Variants in HERC1 observed in about 807,000 individuals in gnomAD.
HERC1 encodes probable E3 ubiquitin-protein ligase HERC1.
HERC1 carries 160 observed loss-of-function variants against 554.3 expected under a neutral mutation model. The observed-to-expected ratio is 0.29, with a 90% CI of 0.25 to 0.33. HERC1 has a LOEUF of 0.33. Ranked by LOEUF, HERC1 falls within the 10% of genes least tolerant of loss-of-function variation. The probability of loss-of-function intolerance (pLI) is 1.00; values close to 1 mark genes in which losing one functional copy is unlikely to be tolerated. For missense variants in HERC1, 4,919 were observed against 5,918.5 expected, an observed-to-expected ratio of 0.83 and a Z score of 5.54; for synonymous variants, 2,175 against 2,131.7, an observed-to-expected ratio of 1.02 and a Z score of -0.56.
At chr15:63,695,459 C>T in intron 27 of HERC1, among the ~76,000 whole-genome samples, 1 of 146,126 alleles carries the variant, frequency 6.8e-6, no homozygotes, top group Non-Finnish European at 1.5e-5. Context: ...GATCTTCGCT[C>T]ACTGCAACCT....
rs527913921 is a variant in HERC1 at position 63,622,664 on chromosome 15, CAAT to C, written c.13688+148_13688+150del. ...CTCATCTTTGACAAGAGGATAACAACAATATTTACTCCTTAGGGTTACAATGAG... is the reference window on the plus strand; with the variant it reads ...CTCATCTTTGACAAGAGGATAACAACATTTACTCCTTAGGGTTACAATGAG... On this transcript the variant is annotated intron_variant, in intron 74 of 77. Coordinates refer to ENST00000443617, the MANE Select transcript of HERC1 (RefSeq NM_003922.4). 7.5e-3 allele frequency: 3,934 copies of C among 523,616 alleles called. 21 individuals carry two copies. The highest frequency in any genetic ancestry group is 0.011 in the Non-Finnish European group (3,442 of 308,572). The allele number at this position is 523,616 out of a possible 1,614,324, so 32.4% of individuals were successfully genotyped here. A position where few individuals can be genotyped will look rare whatever the true frequency, so the allele number is the denominator to read the frequency against.
At chr15:63,737,206 G>A (rs1397001135) in intron 12 of HERC1, among the ~76,000 whole-genome samples, 1 of 150,608 alleles carries the variant, frequency 6.6e-6, no homozygotes, top group Non-Finnish European at 1.5e-5. Context: ...AAAGCAGAGG[G>A]GGGAAAAGAT....
chr15:63,674,310 A>C, intron 38 of HERC1, 32 bp downstream of exon 38: 3 of 1,530,280 alleles, frequency 2.0e-6, no homozygotes, highest in Non-Finnish European at 1.8e-6. Flanking sequence ...CAACAGCACA[A>C]AAGCAAAAAA....
chr15:63,798,492 T>C (rs1245322658), intron 1 of HERC1, among the ~76,000 whole-genome samples: 5 of 151,444 alleles, frequency 3.3e-5, no homozygotes, highest in Non-Finnish European at 5.9e-5. Context: ...CCACTGCTTC[T>C]ATCCTCTTCT....
intron 68 of HERC1, among the ~76,000 whole-genome samples, chr15:63,630,888 G>T (rs976882771): frequency 6.6e-6 from 1 of 152,156 alleles, no homozygotes; most frequent in Admixed American, 6.6e-5. Context: ...ATCTAAACTC[G>T]GTAACTTGTT....
At chr15:63,615,948 A>C (rs780984939) in intron 75 of HERC1, 28 bp from the exon 76 acceptor site, 29 of 1,544,786 alleles carry the variant, frequency 1.9e-5, no homozygotes, top group Non-Finnish European at 2.5e-5. Context: ...CAGAATTTTT[A>C]TTACATGGTA....
rs1239755769 is a variant in HERC1 at position 63,635,881 on chromosome 15, C to A, written c.12414+80G>T. 5.1e-6 allele frequency: 7 copies of A among 1,381,262 alleles called. No homozygotes were observed. In the African/African-American group the frequency reaches 1.0e-4, roughly 20 times the overall value. 85.6% of individuals were successfully genotyped at this position (1,381,262 alleles called of 1,614,324 possible). On this transcript the variant is annotated intron_variant, in intron 65 of 77. Transcript: ENST00000443617. ...GTGTAATATATTTTTACTATATTTT[C>A]TGTTACCTAATTTTAAGAAACCTAT...
chr15:63,754,453 T>TA, intron 7 of HERC1, 52 bp downstream of exon 7: 1 of 1,483,976 alleles, frequency 6.7e-7, no homozygotes, highest in Non-Finnish European at 9.1e-7. Flanking sequence ...AATAAATTTT[T>TA]AAAAAACTCA....
intron 1 of HERC1, among the ~76,000 whole-genome samples, chr15:63,811,394 T>C (rs1055756379): frequency 6.6e-6 from 1 of 152,138 alleles, no homozygotes; most frequent in African/African-American, 2.4e-5. Flanking sequence ...TTGCAATTTG[T>C]GAATCTAGGT....
At chr15:63,624,359 T>A in intron 71 of HERC1, 32 bp from the exon 72 acceptor site, 3 of 1,544,058 alleles carry the variant, frequency 1.9e-6, no homozygotes, top group Non-Finnish European at 1.8e-6. Flanking sequence ...TCAGAAATGG[T>A]ACAATCTAGG....
At position 63,747,037 on chromosome 15, in the gene HERC1, G is replaced by A; in HGVS notation, c.2401C>T (p.His801Tyr). The A allele has an allele frequency of 6.3e-7, 1 of 1,596,578 alleles. No individual in the cohort carries two copies. The highest frequency in any genetic ancestry group is 8.5e-7 in the Non-Finnish European group (1 of 1,171,806). Residue 801 changes from histidine (H) to tyrosine (Y), a missense_variant, in exon 12 of 78, where the codon CAC (histidine) becomes TAC (tyrosine). Transcript: ENST00000443617. ...CCTCCCGCAAGTGCAAGAGCAAGGT[G>A]ATTTGAAAGTAGCTTCAGGCACAGC... ...LKLCLKLLSNHLALALAGGVA... is the reference protein window; with the variant it reads ...LKLCLKLLSNYLALALAGGVA...
chr15:63,616,495 C>T lies in HERC1; in HGVS notation c.13876G>A (p.Val4626Met), dbSNP rs368472341. 14 of 1,613,822 alleles carry T rather than the reference C, an allele frequency of 8.7e-6. No individual in the cohort carries two copies. In the African/African-American group the frequency reaches 1.2e-4, roughly 14 times the overall value. Residue 4626 changes from valine to methionine, a missense_variant, in exon 75 of 78, where the codon GTG (valine) becomes ATG (methionine). Transcript: ENST00000443617. ...EDLEEVDLLY[V>M]QTLNSILHIE... ...TGAAGAATGCTGTTGAGAGTCTGCA[C>T]GTAGAGCAGATCCACCTCCTCCAGG...
chr15:63,651,403 G>A (rs771130587), intron 52 of HERC1, 23 bp from the exon 53 acceptor site: 2 of 1,606,696 alleles, frequency 1.2e-6, no homozygotes, highest in Non-Finnish European at 1.7e-6. Flanking sequence ...AGACAGATAT[G>A]CAGTTCTAAT....
chr15:63,729,465 T>C, intron 15 of HERC1, 32 bp downstream of exon 15: 3 of 1,607,272 alleles, frequency 1.9e-6, no homozygotes, highest in African/African-American at 1.3e-5. Flanking sequence ...AGGTCCCTGA[T>C]AGATCACCAT....
At position 63,725,525 on chromosome 15, in the gene HERC1, AT is replaced by A. The variant is rs1303973222; in HGVS notation, c.3347-13del. The A allele has an allele frequency of 6.2e-7, 1 of 1,603,960 alleles. No individual in the cohort carries two copies. The highest frequency in any genetic ancestry group is 1.7e-5 in the Admixed American group (1 of 59,884). ...TAGTTCTGGCCCTCCTAAAGACAAAATCATTAGTTATTGTGTCTTTATCTGG... is the reference window on the plus strand; with the variant it reads ...TAGTTCTGGCCCTCCTAAAGACAAAACATTAGTTATTGTGTCTTTATCTGG... On this transcript the variant is annotated splice_polypyrimidine_tract_variant and intron_variant, in intron 17 of 77. Coordinates refer to ENST00000443617, the MANE Select transcript of HERC1 (RefSeq NM_003922.4).
rs570343616 is a variant in HERC1, at chr15:63,678,622, T to A, written c.6550-257A>T. On this transcript the variant is annotated intron_variant, in intron 36 of 77. Coordinates refer to ENST00000443617, the MANE Select transcript of HERC1 (RefSeq NM_003922.4). ...TGAATTCCAGAGATGTTAGGAAAAT[T>A]TGAAAGATGAATATAGAGACCAAGC... Among the ~76,000 whole-genome samples, 184 of 152,234 alleles carry A rather than the reference T, an allele frequency of 1.2e-3. 1 individual carries two copies. The highest frequency in any genetic ancestry group is 4.4e-3 in the African/African-American group (181 of 41,540).
At chr15:63,703,687 C>A (rs2072850356) in intron 25 of HERC1, among the ~76,000 whole-genome samples, 1 of 151,970 alleles carries the variant, frequency 6.6e-6, no homozygotes, top group East Asian at 1.9e-4. Context: ...CAGTTCAAGA[C>A]CAGACTGAGC....
At chr15:63,691,034 G>A (rs991100170) in intron 31 of HERC1, among the ~76,000 whole-genome samples, 4 of 152,164 alleles carry the variant, frequency 2.6e-5, no homozygotes, top group Non-Finnish European at 5.9e-5. Flanking sequence ...AGCTCATAGA[G>A]GTAGAGTTTT....
chr15:63,627,949 G>C (rs1273514739), intron 70 of HERC1, among the ~76,000 whole-genome samples: 1 of 152,218 alleles, frequency 6.6e-6, no homozygotes, highest in East Asian at 1.9e-4. Context: ...GAATAAAATG[G>C]CAGCAAGTTG....
Sources: gnomAD v4.1 joint callset for allele counts (sites outside exome capture counted in the v4.1 genomes callset) on GRCh38, gnomAD v4.1.1 for gene constraint, MANE v1.5 for transcripts, NCBI Gene and HGNC (gene_info 2026-07-23, HGNC 2026-07-21) for gene names.